NXPH1: variants seen among roughly 807,000 people sequenced by gnomAD.
NXPH1 encodes neurexophilin 1, also known as neurexophilin-1.
Under a neutral mutation model 23.7 loss-of-function variants are expected in NXPH1, and 5 were observed. That is an observed-to-expected ratio of 0.21 (90% confidence interval 0.11 to 0.44). NXPH1 has a LOEUF of 0.44. Among genes scored for constraint, NXPH1 ranks in the 20% least tolerant of loss-of-function variants. The pLI is 0.99. For missense variants in NXPH1, 324 were observed against 321.6 expected (o/e 1.01, Z -0.06); for synonymous variants, 144 against 122.2 (o/e 1.18, Z -1.18).
chr7:8,647,779 G>GTT lies in NXPH1; in HGVS notation c.55-103218_55-103217dup, dbSNP rs549118157. ...CTGATTCAATTTTCTTAACCATTCGGTTTTTTTTTTTTAACTAAGTTTGGT... is the reference window on the plus strand; with the variant it reads ...CTGATTCAATTTTCTTAACCATTCGGTTTTTTTTTTTTTTAACTAAGTTTGGT... On this transcript the variant is annotated intron_variant, in intron 2 of 2. Transcript: ENST00000405863. Among the ~76,000 whole-genome samples the GTT allele has an allele frequency of 1.0e-2, 1,387 of 139,286 alleles. 22 individuals carry two copies. The highest frequency in any genetic ancestry group is 0.034 in the African/African-American group (1,306 of 38,330). 91.4% of individuals were successfully genotyped at this position (139,286 alleles called of 152,430 possible).
chr7:8,671,471 C>T (rs1023759937), intron 2 of NXPH1, among the ~76,000 whole-genome samples: 3 of 152,090 alleles, frequency 2.0e-5, no homozygotes, highest in East Asian at 1.9e-4. Context: ...GCAAGAGAAA[C>T]ATTTTAGAGC....
In NXPH1 at chr7:8,435,683, G is replaced by A. The variant is rs1182055946; in HGVS notation, c.-31G>A. The stretch of plus-strand genomic sequence containing the variant: ...CTGAAGGAACAAAGACTCAAAGAAG[G>A]CACCGCCAAGGAAGTTTGAGACGCG... On this transcript the variant is annotated 5_prime_UTR_variant, in exon 2 of 3. Transcript: ENST00000405863. This position sits in a 1 kb window ranked among gnomAD's most constrained non-coding sequence, Gnocchi z 5.9. The A allele has an allele frequency of 6.2e-7, 1 of 1,609,050 alleles. No individual in the cohort carries two copies. Among genetic ancestry groups the A allele is most frequent in the Non-Finnish European group, 8.5e-7 (1 of 1,175,388 alleles).
At chr7:8,567,814 A>C (rs868284430) in intron 2 of NXPH1, among the ~76,000 whole-genome samples, 19 of 151,956 alleles carry the variant, frequency 1.3e-4, no homozygotes, top group African/African-American at 4.6e-4. Flanking sequence ...ATGGTCTTTC[A>C]GTGTTGCTCA....
rs79657431 is a variant in NXPH1 at position 8,645,435 on chromosome 7, G to A, written c.55-105573G>A. Among the ~76,000 whole-genome samples, 58 of 152,040 alleles carry A rather than the reference G, an allele frequency of 3.8e-4. No individual in the cohort carries two copies. In the East Asian group the frequency reaches 0.011, roughly 28 times the overall value. ...TATGATCCTGAACATCCTTTCATAT[G>A]TTTATGGTATTCAAACTCCCTCTGT... On this transcript the variant is annotated intron_variant, in intron 2 of 2. Transcript: ENST00000405863.
At chr7:8,492,957 C>T (rs1035078025) in intron 2 of NXPH1, among the ~76,000 whole-genome samples, 2 of 152,030 alleles carry the variant, frequency 1.3e-5, no homozygotes, top group South Asian at 4.1e-4. Flanking sequence ...TTTCTTTTGA[C>T]TCTCCTAAAA....
chr7:8,540,273 G>A (rs1818093334), intron 2 of NXPH1, among the ~76,000 whole-genome samples: 1 of 151,802 alleles, frequency 6.6e-6, no homozygotes. Context: ...TCTGAAAGAA[G>A]TAATCCACTT....
intron 2 of NXPH1, among the ~76,000 whole-genome samples, chr7:8,496,198 CG>C (rs1198905414): frequency 2.0e-5 from 3 of 151,954 alleles, no homozygotes; most frequent in African/African-American, 7.2e-5. Context: ...CATTTCATGT[CG>C]GGCCTTTCTT....
Position 8,751,602 on chromosome 7 carries a change from A to G in NXPH1, c.649A>G (p.Thr217Ala). The G allele has an allele frequency of 1.2e-6, 2 of 1,613,512 alleles. No homozygotes were observed. The highest frequency in any genetic ancestry group is 1.7e-6 in the Non-Finnish European group (2 of 1,179,732). ...NTLCNYDPSK[T>A]CYQEQTQSHV... The stretch of plus-strand genomic sequence containing the variant: ...ACTCTGCAACTATGACCCTTCAAAA[A>G]CCTGTTACCAGGAGCAAACCCAAAG... Residue 217 changes from threonine to alanine, a missense_variant, in exon 3 of 3, where the codon ACC becomes GCC. Transcript: ENST00000405863. This position sits in a 1 kb window ranked among gnomAD's most constrained non-coding sequence, Gnocchi z 4.5.
chr7:8,557,295 C>CAAA (rs1317034303), intron 2 of NXPH1, among the ~76,000 whole-genome samples: 1 of 151,658 alleles, frequency 6.6e-6, no homozygotes, highest in African/African-American at 2.4e-5. Context: ...ACAACAACAA[C>CAAA]AACAACAACA....
intron 2 of NXPH1, among the ~76,000 whole-genome samples, chr7:8,516,897 C>T (rs1469491449): frequency 1.3e-5 from 2 of 152,094 alleles, no homozygotes; most frequent in Non-Finnish European, 2.9e-5. Flanking sequence ...GATCTTTTCC[C>T]TTCATGATGT....
chr7:8,667,150 AC>A (rs1486127534), intron 2 of NXPH1, among the ~76,000 whole-genome samples: 10 of 151,656 alleles, frequency 6.6e-5, no homozygotes, highest in African/African-American at 2.4e-4. Flanking sequence ...ATATTCCTTA[AC>A]ACATTATTGC....
chr7:8,533,662 A>G (rs1025776407), intron 2 of NXPH1, among the ~76,000 whole-genome samples: 1 of 152,196 alleles, frequency 6.6e-6, no homozygotes, highest in African/African-American at 2.4e-5. Flanking sequence ...AAGAACTGAT[A>G]CTATTAATAC....
intron 2 of NXPH1, among the ~76,000 whole-genome samples, chr7:8,505,984 G>A (rs1208823849): frequency 1.3e-5 from 2 of 152,016 alleles, no homozygotes; most frequent in Non-Finnish European, 2.9e-5. Flanking sequence ...TATGTGATCT[G>A]AGGACCATAC....
chr7:8,532,150 C>A (rs1185557790), intron 2 of NXPH1, among the ~76,000 whole-genome samples: 1 of 152,054 alleles, frequency 6.6e-6, no homozygotes, highest in Non-Finnish European at 1.5e-5. Context: ...CTCTTAGTAA[C>A]CAATATGTAA....
intron 2 of NXPH1, among the ~76,000 whole-genome samples, chr7:8,682,769 T>C (rs1258589821): frequency 6.6e-6 from 1 of 152,240 alleles, no homozygotes; most frequent in Admixed American, 6.5e-5. Flanking sequence ...GAGTGATGCT[T>C]CTTCAGAAAT....
chr7:8,701,508 C>T (rs774613130), intron 2 of NXPH1, among the ~76,000 whole-genome samples: 6 of 152,060 alleles, frequency 3.9e-5, no homozygotes, highest in African/African-American at 7.2e-5. Context: ...TCTCTGCCTT[C>T]GTAATGCGGC....
intron 2 of NXPH1, among the ~76,000 whole-genome samples, chr7:8,553,310 A>AT (rs1218639515): frequency 6.1e-5 from 9 of 146,878 alleles, no homozygotes; most frequent in South Asian, 2.2e-4. Flanking sequence ...GAAAGTTCCA[A>AT]TTTTTTTTTC....
chr7:8,583,393 T>C (rs987993435), intron 2 of NXPH1, among the ~76,000 whole-genome samples: 2 of 152,224 alleles, frequency 1.3e-5, no homozygotes, highest in African/African-American at 4.8e-5. Context: ...TGCCTCAGTT[T>C]CCTTATCTAT....
chr7:8,746,260 A>G (rs574507110), intron 2 of NXPH1, among the ~76,000 whole-genome samples: 1 of 152,300 alleles, frequency 6.6e-6, no homozygotes, highest in South Asian at 2.1e-4. Context: ...ATTCTCTTTT[A>G]GACATTGCCC....
Sources: allele counts gnomAD v4.1 joint callset (sites outside exome capture counted in the v4.1 genomes callset), GRCh38; gene constraint gnomAD v4.1.1; non-coding constraint Gnocchi (gnomAD v3.1); transcripts MANE v1.5; gene names NCBI Gene and HGNC (gene_info 2026-07-23, HGNC 2026-07-21).